The following ANK2 variants were observed in gnomAD, a reference collection of about 807,000 sequenced individuals.
ANK2 encodes ankyrin-2.
ANK2 carries 83 observed loss-of-function variants against 360.5 expected under a neutral mutation model. The ratio of observed to expected loss-of-function variants is 0.23; its 90% CI spans 0.19 to 0.28. The LOEUF (loss-of-function observed/expected upper bound fraction) is 0.28, where lower values mean the gene tolerates loss of function less well. Ranked by LOEUF, ANK2 falls within the 10% of genes least tolerant of loss-of-function variation. ANK2 has a pLI of 1.00. For missense variants in ANK2, 4,201 were observed against 4,795.7 expected (o/e 0.88, Z 3.66); for synonymous variants, 1,740 against 1,759.5 (o/e 0.99, Z 0.28).
intron 1 of ANK2, among the ~76,000 whole-genome samples, chr4:113,168,611 T>G (rs540758663): frequency 6.6e-6 from 1 of 152,348 alleles, no homozygotes; most frequent in Admixed American, 6.5e-5. Context: ...TTATGGTTTA[T>G]AAATTGGTAG....
chr4:113,237,352 G>C (rs1235788078), intron 6 of ANK2, among the ~76,000 whole-genome samples, 180 bp downstream of exon 6: 1 of 152,140 alleles, frequency 6.6e-6, no homozygotes, highest in East Asian at 1.9e-4. Context: ...TTAAATGCAA[G>C]ATAATTTTCT....
chr4:113,050,969 C>A (rs1447321203), intron 1 of ANK2, among the ~76,000 whole-genome samples: 1 of 152,070 alleles, frequency 6.6e-6, no homozygotes, highest in East Asian at 1.9e-4. Flanking sequence ...TGGTATCATG[C>A]AATTTGATAG....
chr4:113,050,258 T>A (rs766476344), intron 1 of ANK2, among the ~76,000 whole-genome samples: 35 of 152,324 alleles, frequency 2.3e-4, no homozygotes, highest in Non-Finnish European at 4.0e-4. Flanking sequence ...GCCTTTTGGT[T>A]TCATGCTAAG....
intron 2 of ANK2, among the ~76,000 whole-genome samples, chr4:112,925,705 C>T (rs1309366515): frequency 6.6e-6 from 1 of 152,122 alleles, no homozygotes; most frequent in Non-Finnish European, 1.5e-5. Flanking sequence ...CTTGGAAGAA[C>T]TTTGGGAGAT....
chr4:113,307,412 C>CTTT (rs56756321), intron 23 of ANK2, among the ~76,000 whole-genome samples: 21 of 91,870 alleles, frequency 2.3e-4, no homozygotes, highest in African/African-American at 7.2e-4. Flanking sequence ...GCCATTCCAC[C>CTTT]TTTTTTTTTT....
intron 9 of ANK2, among the ~76,000 whole-genome samples, chr4:113,248,395 A>G (rs2044199245): frequency 6.6e-6 from 1 of 152,120 alleles, no homozygotes; most frequent in African/African-American, 2.4e-5. Flanking sequence ...AATTGTGTGG[A>G]AAGGCTGCTT....
chr4:113,219,466 T>C (rs2099124885), intron 4 of ANK2, among the ~76,000 whole-genome samples: 1 of 151,974 alleles, frequency 6.6e-6, no homozygotes, highest in African/African-American at 2.4e-5. Flanking sequence ...ATAAACTTAA[T>C]ATTTCTATTG....
intron 43 of ANK2, 28 bp from the exon 44 acceptor site, chr4:113,373,061 AC>A (rs747103395): frequency 6.3e-7 from 1 of 1,591,530 alleles, no homozygotes; most frequent in African/African-American, 1.3e-5. Flanking sequence ...GCCAAACACC[AC>A]AGTGACCCTT....
intron 1 of ANK2, among the ~76,000 whole-genome samples, chr4:113,111,584 G>T (rs1338845688): frequency 6.6e-6 from 1 of 151,988 alleles, no homozygotes; most frequent in Non-Finnish European, 1.5e-5. Flanking sequence ...AAACCAAAAG[G>T]GGAAGTTATA....
intron 1 of ANK2, among the ~76,000 whole-genome samples, chr4:112,863,100 CTT>C (rs2068697084): frequency 6.6e-6 from 1 of 152,090 alleles, no homozygotes; most frequent in African/African-American, 2.4e-5. Flanking sequence ...AGGAAACTAA[CTT>C]ATTTCTTTCC....
chr4:112,938,106 G>A (rs2093907848), intron 2 of ANK2, among the ~76,000 whole-genome samples: 1 of 152,170 alleles, frequency 6.6e-6, no homozygotes, highest in African/African-American at 2.4e-5. Flanking sequence ...TAACCAAAAT[G>A]TCATGTTAGA....
At chr4:113,364,904 T>A (rs2154051861) in intron 40 of ANK2, 135 bp from the exon 41 acceptor site, 1 of 1,181,124 alleles carries the variant, frequency 8.5e-7, no homozygotes, top group East Asian at 2.4e-5. Context: ...TTGGCTTATT[T>A]TTACAAAGAC....
intron 1 of ANK2, among the ~76,000 whole-genome samples, chr4:112,882,869 C>G (rs1056252254): frequency 1.3e-5 from 2 of 151,810 alleles, no homozygotes; most frequent in Admixed American, 6.6e-5. Context: ...AGGATGAAAG[C>G]CTTTATTAGC....
chr4:112,762,569 G>A, the ANK2 span, among the ~76,000 whole-genome samples: 1 of 152,214 alleles, frequency 6.6e-6, no homozygotes, highest in Admixed American at 6.5e-5. Context: ...GAGTGCAGTG[G>A]TGCGATTTCG....
At chr4:112,734,170 C>T in the ANK2 span, among the ~76,000 whole-genome samples, 15 of 152,116 alleles carry the variant, frequency 9.9e-5, no homozygotes, top group Admixed American at 9.8e-4. Context: ...TGGAAGGAAA[C>T]AGAAGGAATA....
intron 4 of ANK2, among the ~76,000 whole-genome samples, chr4:113,206,497 G>A (rs2098950721): frequency 6.6e-6 from 1 of 151,946 alleles, no homozygotes; most frequent in South Asian, 2.1e-4. Flanking sequence ...TCCATTGGGA[G>A]TATTACTATC....
intron 2 of ANK2, among the ~76,000 whole-genome samples, chr4:113,020,386 G>A (rs1441323119): frequency 6.6e-6 from 1 of 152,042 alleles, no homozygotes; most frequent in Non-Finnish European, 1.5e-5. Flanking sequence ...TGTAGAGACA[G>A]GGTCTCGCTG....
At chr4:113,003,433 T>G (rs1578791188) in intron 2 of ANK2, among the ~76,000 whole-genome samples, 1 of 152,154 alleles carries the variant, frequency 6.6e-6, no homozygotes, top group African/African-American at 2.4e-5. Context: ...AATCAAAAAT[T>G]TATTGAAAAA....
At chr4:112,957,696 A>AC (rs1179494048) in intron 2 of ANK2, among the ~76,000 whole-genome samples, 5 of 122,266 alleles carry the variant, frequency 4.1e-5, no homozygotes, top group East Asian at 4.9e-4. Context: ...CGGGGGGCTG[A>AC]CCCCCCCACC....
Sources: gnomAD v4.1 joint callset for allele counts (sites outside exome capture counted in the v4.1 genomes callset) on GRCh38, gnomAD v4.1.1 for gene constraint, MANE v1.5 for transcripts, NCBI Gene and HGNC (gene_info 2026-07-23, HGNC 2026-07-21) for gene names.